The following FMO4 variants were observed in gnomAD, a reference collection of about 807,000 sequenced individuals.
FMO4 encodes the protein flavin containing dimethylaniline monoxygenase 4.
In FMO4, 38 loss-of-function variants were observed where a neutral mutation model predicts 43.3. The ratio of observed to expected loss-of-function variants is 0.88; its 90% CI spans 0.68 to 1.15. The LOEUF (loss-of-function observed/expected upper bound fraction) is 1.15. FMO4 is among the 50% of genes most tolerant of loss of function. The pLI is 0.00. For synonymous variants in FMO4, 224 were observed against 232.2 expected (o/e 0.96, Z 0.32); for missense variants, 631 against 663.3 (o/e 0.95, Z 0.54).
chr1:171,338,991 A>T (rs1663239037), intron 9 of FMO4, among the ~76,000 whole-genome samples: 1 of 152,226 alleles, frequency 6.6e-6, no homozygotes, highest in African/African-American at 2.4e-5. Context: ...AGAAATAAGT[A>T]AACTTCATGA....
chr1:171,319,792 A>G, intron 2 of FMO4, 26 bp from the exon 3 acceptor site: 2 of 1,609,272 alleles, frequency 1.2e-6, no homozygotes, highest in Non-Finnish European at 8.5e-7. Context: ...TAAATAAAGA[A>G]GTTCTGCTTG....
At chr1:171,336,292 C>T (rs2101904452) in intron 8 of FMO4, among the ~76,000 whole-genome samples, 1 of 152,082 alleles carries the variant, frequency 6.6e-6, no homozygotes, top group East Asian at 1.9e-4. Context: ...ACAGAGTTTA[C>T]ATTATAAGAG....
rs143748110 is a variant in FMO4 at position 171,315,288 on chromosome 1, A to G, written c.-151+875A>G. 6.1e-3 allele frequency among the ~76,000 whole-genome samples: 934 copies of G among 152,280 alleles called. 13 individuals are homozygous for G. Among genetic ancestry groups the G allele is most frequent in the African/African-American group, 0.02 (832 of 41,556 alleles). ...GCCTGGAAGACAGAGTGAGACTCCA[A>G]CTCAAATAAATAAATAAATAAATAT... On this transcript the variant is annotated intron_variant, in intron 1 of 9. Transcript: ENST00000367749.
rs369590128 is a variant in FMO4 at position 171,341,716 on chromosome 1, G to A, written c.1554G>A (p.Trp518Ter). ...CCATGTCACATTATTTAAAAGCCTG[G>A]GGGGCACCTGTCCTACTTGCCTCTC... ...PASMSHYLKAWGAPVLLASLL... is the reference protein window; with the variant it reads ...PASMSHYLKA The change falls in exon 10 of 10, where the codon TGG becomes TGA. Residue 518 changes from tryptophan (W) to a stop codon, truncating the protein, a stop_gained. Coordinates refer to ENST00000367749, the MANE Select transcript of FMO4 (RefSeq NM_002022.3). LOFTEE classifies it low-confidence loss of function (END_TRUNC). The A allele has an allele frequency of 6.2e-6, 10 of 1,613,788 alleles. No individual in the cohort carries two copies. The South Asian group carries it at 8.8e-5, about 14-fold the overall frequency.
At chr1:171,326,461 T>G (rs1227873839) in intron 5 of FMO4, among the ~76,000 whole-genome samples, 2 of 152,240 alleles carry the variant, frequency 1.3e-5, no homozygotes, top group Non-Finnish European at 2.9e-5. Flanking sequence ...TTTAAAGAGT[T>G]ACCTTGAGGA....
intron 3 of FMO4, among the ~76,000 whole-genome samples, chr1:171,320,773 C>T (rs1191609679): frequency 6.6e-6 from 1 of 151,874 alleles, no homozygotes; most frequent in African/African-American, 2.4e-5. Context: ...GCCAGGAGCT[C>T]AAGACCAGCA....
At chr1:171,333,183 G>C in intron 7 of FMO4, 1 of 279,868 alleles carries the variant, frequency 3.6e-6, no homozygotes, top group Non-Finnish European at 6.8e-6. Flanking sequence ...TATTTTTGTT[G>C]TTGTTGTTGT....
intron 5 of FMO4, among the ~76,000 whole-genome samples, chr1:171,327,949 T>G (rs888361479): frequency 6.6e-6 from 1 of 152,162 alleles, no homozygotes; most frequent in Admixed American, 6.5e-5. Context: ...TATAAAGTTC[T>G]TAGAAGCCTG....
chr1:171,320,512 G>A (rs1177249175), intron 3 of FMO4, among the ~76,000 whole-genome samples: 3 of 152,144 alleles, frequency 2.0e-5, no homozygotes, highest in African/African-American at 7.2e-5. Context: ...TCTTTGAAGT[G>A]GAATATTTAG....
intron 3 of FMO4, among the ~76,000 whole-genome samples, chr1:171,321,541 G>A (rs952461332): frequency 6.6e-6 from 1 of 152,088 alleles, no homozygotes; most frequent in African/African-American, 2.4e-5. Context: ...AATGTTTAGG[G>A]AATAATCACG....
intron 4 of FMO4, 103 bp downstream of exon 4, chr1:171,323,295 TCCAAATAAATAGGAAGATAATAAGGAC>T (rs1662517418): frequency 1.4e-6 from 1 of 720,708 alleles, no homozygotes; most frequent in South Asian, 1.9e-5. Context: ...TGATTTTATC[TCCAAATAAATAGGAAGATAATAAGGAC>T]TCCTCACTTC....
Position 171,341,519 on chromosome 1 carries a change from A to G in FMO4, c.1357A>G (p.Lys453Glu). Residue 453 changes from lysine to glutamate, a missense_variant, in exon 10 of 10, where the codon AAG becomes GAG. Lys to Glu is a moderately conservative substitution (Grantham distance 56). Transcript: ENST00000367749. ...TKPSIPLLFL[K>E]DPRLAWEVFF... ...GCCCAGCATCCCACTTCTGTTCCTC[A>G]AGGATCCCAGACTAGCTTGGGAAGT... The G allele has an allele frequency of 6.2e-7, 1 of 1,614,022 alleles. No homozygotes were observed. Among genetic ancestry groups the G allele is most frequent in the Non-Finnish European group, 8.5e-7 (1 of 1,179,958 alleles).
chr1:171,338,963 T>C (rs1663237530), intron 9 of FMO4, among the ~76,000 whole-genome samples: 1 of 152,180 alleles, frequency 6.6e-6, no homozygotes, highest in Non-Finnish European at 1.5e-5. Context: ...CATTGGGACA[T>C]CATGAAAGTT....
chr1:171,335,612 CTT>C (rs1663086725), intron 8 of FMO4, among the ~76,000 whole-genome samples: 1 of 152,108 alleles, frequency 6.6e-6, no homozygotes, highest in Non-Finnish European at 1.5e-5. Flanking sequence ...TTACCAATAA[CTT>C]ATAAATAGCA....
intron 8 of FMO4, 35 bp downstream of exon 8, chr1:171,334,798 T>G (rs1558042870): frequency 1.5e-6 from 2 of 1,298,710 alleles, no homozygotes; most frequent in Non-Finnish European, 2.1e-6. Flanking sequence ...TCTCTTTGGA[T>G]CGTAAAATTG....
chr1:171,324,369 C>A, intron 5 of FMO4, 69 bp downstream of exon 5: 1 of 1,284,834 alleles, frequency 7.8e-7, no homozygotes, highest in East Asian at 2.4e-5. Context: ...TATTGATTTG[C>A]AGTTGGAAAT....
intron 5 of FMO4, among the ~76,000 whole-genome samples, chr1:171,329,805 A>T (rs896199810): frequency 5.9e-5 from 9 of 152,320 alleles, no homozygotes; most frequent in African/African-American, 2.2e-4. Context: ...AACTGGCCTC[A>T]CACACACAGT....
At chr1:171,331,265 C>T (rs1419123969) in intron 5 of FMO4, among the ~76,000 whole-genome samples, 1 of 152,184 alleles carries the variant, frequency 6.6e-6, no homozygotes, top group African/African-American at 2.4e-5. Flanking sequence ...GGAGAAGCCA[C>T]AGTTGGATAT....
chr1:171,335,466 G>A (rs1448399356), intron 8 of FMO4, among the ~76,000 whole-genome samples: 2 of 152,146 alleles, frequency 1.3e-5, no homozygotes, highest in East Asian at 1.9e-4. Flanking sequence ...CCTCTCTAAA[G>A]CAGGGCAAAT....
Sources: gnomAD v4.1 joint callset for allele counts (sites outside exome capture counted in the v4.1 genomes callset) on GRCh38, gnomAD v4.1.1 for gene constraint, MANE v1.5 for transcripts, NCBI Gene and HGNC (gene_info 2026-07-23, HGNC 2026-07-21) for gene names.